The following RS1 variants were observed in gnomAD, a reference collection of about 807,000 sequenced individuals.
RS1 encodes the protein retinoschisin 1.
In RS1, 2 loss-of-function variants were observed where a neutral mutation model predicts 20.8. That is an observed-to-expected ratio of 0.10 (90% CI 0.04 to 0.30). The LOEUF is 0.30. Among genes scored for constraint, RS1 ranks in the 10% least tolerant of loss-of-function variants. The pLI, the probability that RS1 is intolerant of heterozygous loss-of-function variation, is 1.00. For synonymous variants in RS1, 70 were observed against 75.8 expected (o/e 0.92, Z 0.40); for missense variants, 151 against 189.8 (o/e 0.80, Z 1.20).
intron 3 of RS1, among the ~76,000 whole-genome samples, chrX:18,652,435 G>A (rs1288562060): frequency 2.7e-5 from 3 of 112,200 alleles, no homozygotes; most frequent in East Asian, 2.8e-4. Context: ...TTGGGAGGCC[G>A]AGGCGGGAGG....
At position 18,640,262 on chromosome X, in the gene RS1, C is replaced by G. The variant is rs1294568439; in HGVS notation, c.*1742G>C. 9.0e-6 allele frequency: 1 copy of G among 111,296 alleles called. No homozygotes were observed. Among genetic ancestry groups the G allele is most frequent in the Non-Finnish European group, 1.9e-5 (1 of 53,054 alleles). 9.2% of individuals were successfully genotyped at this position (111,296 alleles called of 1,213,427 possible). ...TCCTCTCCTTTTTCCCTGAACTGCA[C>G]TCTCTCGACTCCTGTGTTTGATGTG... On this transcript the variant is annotated 3_prime_UTR_variant, in exon 6 of 6. Coordinates refer to ENST00000379984, the MANE Select transcript of RS1 (RefSeq NM_000330.4).
intron 1 of RS1, among the ~76,000 whole-genome samples, chrX:18,658,093 C>G (rs1928251115): frequency 9.0e-6 from 1 of 111,445 alleles, no homozygotes; most frequent in East Asian, 2.8e-4. Flanking sequence ...TCGTTTGAAC[C>G]TGGGAGGCGG....
At chrX:18,649,980 G>C (rs183794316) in intron 3 of RS1, 3,142 of 173,033 alleles carry the variant, frequency 0.018, 99 homozygotes, top group African/African-American at 0.085. Context: ...ACCCCCACCC[G>C]CCGCCGCCGC....
At chrX:18,648,365 C>T (rs761622596) in intron 3 of RS1, among the ~76,000 whole-genome samples, 2 of 110,833 alleles carry the variant, frequency 1.8e-5, no homozygotes, top group South Asian at 7.9e-4. Flanking sequence ...CCTCAGCCTT[C>T]TGAGTAGCTG....
chrX:18,642,736 T>A (rs1420578351), intron 5 of RS1, among the ~76,000 whole-genome samples: 1 of 112,555 alleles, frequency 8.9e-6, no homozygotes, highest in Non-Finnish European at 1.9e-5. Context: ...GAAAATGTTT[T>A]TTTAAAAAGA....
chrX:18,651,634 C>G (rs1391578630), intron 3 of RS1, among the ~76,000 whole-genome samples: 6 of 111,327 alleles, frequency 5.4e-5, no homozygotes, highest in South Asian at 3.8e-4. Context: ...CCAGCCTGCC[C>G]TCGCAAGCTC....
chrX:18,669,280 C>T (rs1448318500), intron 1 of RS1, among the ~76,000 whole-genome samples: 7 of 109,612 alleles, frequency 6.4e-5, no homozygotes, highest in African/African-American at 1.7e-4. Flanking sequence ...CACCTGAGGT[C>T]GGGAGTTCGA....
chrX:18,640,287 G>A lies in RS1; in HGVS notation c.*1717C>T, dbSNP rs1927519213. On this transcript the variant is annotated 3_prime_UTR_variant, in exon 6 of 6. Coordinates refer to ENST00000379984, the MANE Select transcript of RS1 (RefSeq NM_000330.4). ...CTCTCTCGACTCCTGTGTTTGATGT[G>A]CCTTAACTCTTAGGATACTGCCATT... is the stretch of plus-strand genomic sequence containing the variant. The A allele has an allele frequency of 1.8e-5, 2 of 110,579 alleles. No homozygotes were observed. Among genetic ancestry groups the A allele is most frequent in the Admixed American group, 1.9e-4 (2 of 10,306 alleles). 9.1% of individuals were successfully genotyped at this position (110,579 alleles called of 1,213,427 possible).
intron 3 of RS1, 82 bp from the exon 4 acceptor site, chrX:18,647,414 C>T: frequency 1.9e-6 from 2 of 1,072,956 alleles, no homozygotes; most frequent in Non-Finnish European, 2.6e-6. Flanking sequence ...AAAACAAACC[C>T]ATCTGCTTTG....
intron 4 of RS1, among the ~76,000 whole-genome samples, chrX:18,646,314 C>T (rs898670698): frequency 9.0e-5 from 10 of 111,168 alleles, no homozygotes; most frequent in Non-Finnish European, 1.3e-4. Flanking sequence ...CCACCATGCC[C>T]GGCTAATTTT....
At chrX:18,669,125 T>G (rs990256763) in intron 1 of RS1, among the ~76,000 whole-genome samples, 5 of 111,316 alleles carry the variant, frequency 4.5e-5, no homozygotes, top group African/African-American at 1.6e-4. Context: ...ATACGATGGA[T>G]GTTCTAAAAA....
rs961266142 is a variant in RS1 at position 18,643,887 on chromosome X, C to T, written c.522+543G>A. ...TGCGTTTAGTCAATGGTGAAGAAGA[C>T]TTCTGTCTCAATCCACAAAGATTAA... On this transcript the variant is annotated intron_variant, in intron 5 of 5. Transcript: ENST00000379984. 1.8e-4 allele frequency among the ~76,000 whole-genome samples: 20 copies of T among 110,724 alleles called. No individual in the cohort carries two copies. In the Admixed American group the frequency reaches 1.8e-3, roughly 10 times the overall value.
intron 1 of RS1, among the ~76,000 whole-genome samples, chrX:18,666,561 C>T (rs1040516055): frequency 9.0e-6 from 1 of 111,291 alleles, no homozygotes; most frequent in East Asian, 2.8e-4. Flanking sequence ...TGAGGATAGA[C>T]GAGGACATTA....
chrX:18,650,110 A>G (rs762272781), intron 3 of RS1: 1 of 364,821 alleles, frequency 2.7e-6, no homozygotes, highest in East Asian at 5.0e-5. Flanking sequence ...TCCCCTTCAC[A>G]TCTCTTTTGC....
chrX:18,653,369 G>C (rs1448270475), intron 3 of RS1: 1 of 1,189,827 alleles, frequency 8.4e-7, no homozygotes, highest in Non-Finnish European at 1.1e-6. Flanking sequence ...GCATTAGCCA[G>C]AGTGCACCTG....
intron 3 of RS1, among the ~76,000 whole-genome samples, chrX:18,654,139 T>TTC (rs1397819324): frequency 9.6e-6 from 1 of 104,549 alleles, no homozygotes; most frequent in Non-Finnish European, 2.0e-5. Context: ...CACATGACTC[T>TTC]TCTCTCTCTC....
rs1417276134 is a variant in RS1, at chrX:18,641,789, T to C, written c.*215A>G. The C allele has an allele frequency of 1.9e-5, 8 of 421,120 alleles. No homozygotes were observed. The highest frequency in any genetic ancestry group is 2.5e-5 in the Non-Finnish European group (6 of 243,382). The allele number at this position is 421,120 out of a possible 1,213,427, so 34.7% of individuals were successfully genotyped here. On this transcript the variant is annotated 3_prime_UTR_variant, in exon 6 of 6. Transcript: ENST00000379984. ...CGTTTCGGGGACATTTTCTTTGTTC[T>C]GACTTTCTCTGGCCCTGAGTGGGGA...
At chrX:18,665,883 CAAAAAA>C (rs55857132) in intron 1 of RS1, among the ~76,000 whole-genome samples, 2 of 34,865 alleles carry the variant, frequency 5.7e-5, no homozygotes, top group Middle Eastern at 0.021. Flanking sequence ...GACCCTGTCT[CAAAAAA>C]AAAAAAAAAA....
At chrX:18,645,711 A>C (rs181778845) in intron 4 of RS1, among the ~76,000 whole-genome samples, 11 of 111,207 alleles carry the variant, frequency 9.9e-5, no homozygotes, top group African/African-American at 2.6e-4. Flanking sequence ...TTTTCTTAAA[A>C]CACAAATGTG....
Sources: gnomAD v4.1 joint callset for allele counts (sites outside exome capture counted in the v4.1 genomes callset) on GRCh38, gnomAD v4.1.1 for gene constraint, MANE v1.5 for transcripts, NCBI Gene and HGNC (gene_info 2026-07-23, HGNC 2026-07-21) for gene names.